Variants in MERTK observed in about 807,000 individuals in gnomAD.
MERTK encodes MER proto-oncogene, tyrosine kinase.
MERTK carries 69 observed loss-of-function variants against 99.3 expected under a neutral mutation model. That is an observed-to-expected ratio of 0.70 (90% CI 0.57 to 0.85). The LOEUF is 0.85. MERTK is among the 40% of genes least tolerant of loss of function. The pLI, the probability that MERTK is intolerant of heterozygous loss-of-function variation, is 0.00. For synonymous variants in MERTK, 426 were observed against 467.6 expected, an observed-to-expected ratio of 0.91 and a Z score of 1.15; for missense variants, 1,125 against 1,249.4, an observed-to-expected ratio of 0.90 and a Z score of 1.50.
chr2:112,005,802 A>T (rs1676968176), intron 13 of MERTK, among the ~76,000 whole-genome samples: 1 of 152,222 alleles, frequency 6.6e-6, no homozygotes, highest in Non-Finnish European at 1.5e-5. Flanking sequence ...TAAAATTTAA[A>T]TCCACTATTT....
chr2:111,994,207 C>T, intron 8 of MERTK, 44 bp from the exon 9 acceptor site: 1 of 1,611,558 alleles, frequency 6.2e-7, no homozygotes, highest in Non-Finnish European at 8.5e-7. Context: ...GCAGTTTGCC[C>T]AGACCTCAGT....
chr2:111,993,773 C>T lies in MERTK; in HGVS notation c.1297-478C>T, dbSNP rs13403115. ...CACACTGAAAGAAAAAAAAAAGTGT[C>T]AGTGCCCTCTTCCAGGTAGATTTTA... On this transcript the variant is annotated intron_variant, in intron 8 of 18. Coordinates refer to ENST00000295408, the MANE Select transcript of MERTK (RefSeq NM_006343.3). 6.0e-3 allele frequency among the ~76,000 whole-genome samples: 906 copies of T among 152,142 alleles called. 9 individuals carry two copies. Among genetic ancestry groups the T allele is most frequent in the African/African-American group, 0.021 (859 of 41,484 alleles).
intron 1 of MERTK, chr2:111,912,940 C>T (rs752609803): frequency 2.6e-5 from 18 of 688,042 alleles, no homozygotes; most frequent in South Asian, 1.3e-4. Flanking sequence ...CTGGGCAAGT[C>T]GTTTAGCATC....
At chr2:112,005,592 G>A (rs962447293) in intron 13 of MERTK, among the ~76,000 whole-genome samples, 1 of 152,160 alleles carries the variant, frequency 6.6e-6, no homozygotes, top group African/African-American at 2.4e-5. Flanking sequence ...TAGGTGTCTG[G>A]CTGGGCATGG....
At chr2:111,997,210 T>C in intron 9 of MERTK, 113 bp from the exon 10 acceptor site, 1 of 1,242,734 alleles carries the variant, frequency 8.0e-7, no homozygotes, top group Non-Finnish European at 1.2e-6. Context: ...TATTTGTAGA[T>C]TATAAAAGAT....
At position 112,029,124 on chromosome 2, in the gene MERTK, G is replaced by T; in HGVS notation, c.*260G>T. The stretch of plus-strand genomic sequence containing the variant: ...TTACTTATTTCATTTCACTTATCTT[G>T]CATATCTTAAAATTAAGCTTCAGCT... On this transcript the variant is annotated 3_prime_UTR_variant, in exon 19 of 19. Coordinates refer to ENST00000295408, the MANE Select transcript of MERTK (RefSeq NM_006343.3). 1.8e-6 allele frequency: 2 copies of T among 1,128,382 alleles called. No homozygotes were observed. The highest frequency in any genetic ancestry group is 4.2e-5 in the Admixed American group (1 of 23,752). 69.9% of individuals were successfully genotyped at this position (1,128,382 alleles called of 1,614,324 possible).
chr2:111,970,935 T>C (rs545626405), intron 6 of MERTK, among the ~76,000 whole-genome samples: 1 of 152,114 alleles, frequency 6.6e-6, no homozygotes, highest in East Asian at 1.9e-4. Context: ...CTTCTTTAAA[T>C]ATTTAATAAA....
intron 7 of MERTK, 110 bp downstream of exon 7, chr2:111,975,582 T>A: frequency 8.4e-7 from 1 of 1,188,964 alleles, no homozygotes; most frequent in Non-Finnish European, 1.2e-6. Flanking sequence ...GGACTTTGTC[T>A]CTGGAGGAGA....
At chr2:111,982,678 C>T (rs952291736) in intron 7 of MERTK, among the ~76,000 whole-genome samples, 164 bp from the exon 8 acceptor site, 2 of 152,160 alleles carry the variant, frequency 1.3e-5, no homozygotes, top group African/African-American at 4.8e-5. Flanking sequence ...ACTGATATCT[C>T]AGTGAAAATC....
intron 4 of MERTK, 91 bp from the exon 5 acceptor site, chr2:111,965,100 G>C (rs1685335016): frequency 7.9e-7 from 1 of 1,270,562 alleles, no homozygotes. Context: ...CATGAACCAA[G>C]AAATAAAATA....
rs1447758333 is a variant in MERTK at position 111,947,517 on chromosome 2, G to T, written c.707G>T (p.Ser236Ile). Residue 236 changes from serine to isoleucine, a missense_variant, in exon 4 of 19, where the codon AGC becomes ATC. Coordinates refer to ENST00000295408, the MANE Select transcript of MERTK (RefSeq NM_006343.3). ...AACATTTTCTGGGTTCAAAACAGTAGCCGTGTTAACGAACAGCCTGAAAAA... is the reference window on the plus strand; with the variant it reads ...AACATTTTCTGGGTTCAAAACAGTATCCGTGTTAACGAACAGCCTGAAAAA... ...PVNIFWVQNS[S>I]RVNEQPEKSP... 1 of 1,614,054 alleles carries T rather than the reference G, an allele frequency of 6.2e-7. No homozygotes were observed. Among genetic ancestry groups the T allele is most frequent in the Non-Finnish European group, 8.5e-7 (1 of 1,180,042 alleles).
intron 2 of MERTK, chr2:111,930,159 G>C (rs1376453911): frequency 6.6e-6 from 1 of 152,532 alleles, no homozygotes; most frequent in East Asian, 1.9e-4. Flanking sequence ...AGTGGGAACA[G>C]TGTTTCTTAC....
At chr2:111,976,597 C>T (rs74476336) in intron 7 of MERTK, among the ~76,000 whole-genome samples, 2,736 of 150,786 alleles carry the variant, frequency 0.018, 78 homozygotes, top group African/African-American at 0.063. Flanking sequence ...TGTACATATA[C>T]ACACATATAT....
At chr2:112,018,992 C>T (rs899404548) in intron 15 of MERTK, among the ~76,000 whole-genome samples, 4 of 147,380 alleles carry the variant, frequency 2.7e-5, no homozygotes, top group Non-Finnish European at 6.0e-5. Context: ...GTGGACTTTT[C>T]CCCTCCGAAA....
chr2:112,011,963 G>A (rs1573639948), intron 15 of MERTK, among the ~76,000 whole-genome samples: 1 of 152,268 alleles, frequency 6.6e-6, no homozygotes, highest in South Asian at 2.1e-4. Flanking sequence ...GGCACCAGGA[G>A]CACAGGGGCT....
intron 1 of MERTK, among the ~76,000 whole-genome samples, chr2:111,927,822 C>G (rs1343639785): frequency 6.6e-6 from 1 of 152,226 alleles, no homozygotes; most frequent in Non-Finnish European, 1.5e-5. Context: ...ATGTCCTGAG[C>G]ATGGCAGGAG....
At chr2:111,926,737 C>A (rs892211699) in intron 1 of MERTK, among the ~76,000 whole-genome samples, 4 of 152,106 alleles carry the variant, frequency 2.6e-5, no homozygotes, top group African/African-American at 4.8e-5. Context: ...TCTCAGAAAG[C>A]AAACAAAAAC....
chr2:112,028,457 C>T lies in MERTK; in HGVS notation c.2593C>T (p.Arg865Trp), dbSNP rs2230516. ...EKLLESLPDVRNQADVIYVNT... is the reference protein window; with the variant it reads ...EKLLESLPDVWNQADVIYVNT... ...ACTCTTAGAAAGTTTGCCTGACGTTCGGAACCAAGCAGACGTTATTTACGT... is the reference window on the plus strand; with the variant it reads ...ACTCTTAGAAAGTTTGCCTGACGTTTGGAACCAAGCAGACGTTATTTACGT... Residue 865 changes from arginine to tryptophan, a missense_variant, in exon 19 of 19, where the codon CGG (arginine) becomes TGG (tryptophan). Coordinates refer to ENST00000295408, the MANE Select transcript of MERTK (RefSeq NM_006343.3). 2.2e-3 allele frequency: 3,474 copies of T among 1,614,190 alleles called. 8 individuals carry two copies. Among genetic ancestry groups the T allele is most frequent in the Non-Finnish European group, 2.4e-3 (2,797 of 1,180,042 alleles).
intron 13 of MERTK, among the ~76,000 whole-genome samples, chr2:112,007,198 A>T: frequency 6.6e-6 from 1 of 152,174 alleles, no homozygotes; most frequent in East Asian, 1.9e-4. Flanking sequence ...TCTGTTGCCC[A>T]GGCTGGAGTG....
Sources: gnomAD v4.1 joint callset for allele counts (sites outside exome capture counted in the v4.1 genomes callset) on GRCh38, gnomAD v4.1.1 for gene constraint, MANE v1.5 for transcripts, NCBI Gene and HGNC (gene_info 2026-07-23, HGNC 2026-07-21) for gene names.